SNTG2: variants seen among roughly 807,000 people sequenced by gnomAD.
The protein encoded by SNTG2 is syntrophin gamma 2, also known as gamma-2-syntrophin.
In SNTG2, 74 loss-of-function variants were observed where a neutral mutation model predicts 70.9. The observed-to-expected ratio is 1.04, with a 90% CI of 0.86 to 1.27. The LOEUF (loss-of-function observed/expected upper bound fraction) is 1.27. Ranked by LOEUF, SNTG2 falls within the 50% of genes most tolerant of loss-of-function variation. The pLI is 0.00. For synonymous variants in SNTG2, 278 were observed against 273.8 expected (o/e 1.02, Z -0.15); for missense variants, 717 against 690.7 (o/e 1.04, Z -0.43).
intron 2 of SNTG2, among the ~76,000 whole-genome samples, chr2:1,090,480 G>A (rs986451742): frequency 6.6e-6 from 1 of 152,196 alleles, no homozygotes; most frequent in Non-Finnish European, 1.5e-5. Flanking sequence ...AGAGGTTTAA[G>A]TCAGAGGGAG....
intron 1 of SNTG2, among the ~76,000 whole-genome samples, chr2:1,076,057 C>G (rs1663894766): frequency 6.6e-6 from 1 of 152,188 alleles, no homozygotes; most frequent in Admixed American, 6.5e-5. Context: ...TCCACCTCCT[C>G]CAGGGGCTTA....
chr2:1,046,959 G>A (rs915040557), intron 1 of SNTG2, among the ~76,000 whole-genome samples: 2 of 152,134 alleles, frequency 1.3e-5, no homozygotes, highest in Non-Finnish European at 2.9e-5. Context: ...TATTTTCAAA[G>A]TTGCTTGTTC....
intron 4 of SNTG2, 70 bp downstream of exon 4, chr2:1,098,480 T>G: frequency 6.7e-7 from 1 of 1,486,546 alleles, no homozygotes; most frequent in East Asian, 2.3e-5. Context: ...CTGAAAATGA[T>G]AAAAATCAGC....
chr2:1,096,567 C>T (rs1033344481), intron 2 of SNTG2, among the ~76,000 whole-genome samples: 3 of 152,146 alleles, frequency 2.0e-5, no homozygotes, highest in Non-Finnish European at 2.9e-5. Context: ...TGCAGGAGAC[C>T]GTGTGGTATT....
chr2:1,152,319 G>A (rs1669552060), intron 6 of SNTG2, among the ~76,000 whole-genome samples: 1 of 152,208 alleles, frequency 6.6e-6, no homozygotes, highest in Admixed American at 6.5e-5. Flanking sequence ...AAGAAACAGA[G>A]CGAGTAGGAA....
intron 12 of SNTG2, among the ~76,000 whole-genome samples, chr2:1,257,645 A>G (rs943470770): frequency 6.6e-6 from 1 of 152,220 alleles, no homozygotes; most frequent in African/African-American, 2.4e-5. Context: ...CTAGTATGGA[A>G]AATGCATTCA....
intron 8 of SNTG2, among the ~76,000 whole-genome samples, chr2:1,195,235 A>T (rs1395656784): frequency 2.6e-5 from 4 of 152,176 alleles, no homozygotes; most frequent in Non-Finnish European, 4.4e-5. Context: ...TCCTTTGTGT[A>T]TATACCCAGT....
rs1676775592 is a variant in SNTG2 at position 1,237,888 on chromosome 2, G to C, written c.720G>C (p.Arg240Ser). ...CCTGGACAGCTCTCTCCCTCCCCAG[G>C]TGGAATGCGTTCGAGGTGCTCGCCC... ...SRYKAGTEKL[R>S]WNAFEVLALD... The change falls in exon 10 of 17, where the codon AGG (arginine) becomes AGC (serine). Residue 240 changes from arginine (R) to serine (S), a missense_variant and splice_region_variant. Coordinates refer to ENST00000308624, the MANE Select transcript of SNTG2 (RefSeq NM_018968.4). 2 of 1,599,640 alleles carry C rather than the reference G, an allele frequency of 1.3e-6. No individual in the cohort carries two copies. Among genetic ancestry groups the C allele is most frequent in the Non-Finnish European group, 8.5e-7 (1 of 1,173,588 alleles).
chr2:1,072,508 C>G (rs1027395966), intron 1 of SNTG2, among the ~76,000 whole-genome samples: 44 of 151,660 alleles, frequency 2.9e-4, no homozygotes, highest in African/African-American at 9.7e-4. Context: ...CTGTTGTGAT[C>G]CACTGAGACA....
rs553187231 is a variant in SNTG2, at chr2:1,048,163, TAA to T, written c.73-35354_73-35353del. Among the ~76,000 whole-genome samples the T allele has an allele frequency of 4.5e-4, 69 of 152,344 alleles. 1 individual carries two copies. Among genetic ancestry groups the T allele is most frequent in the African/African-American group, 1.5e-3 (63 of 41,582 alleles). On this transcript the variant is annotated intron_variant, in intron 1 of 16. Coordinates refer to ENST00000308624, the MANE Select transcript of SNTG2 (RefSeq NM_018968.4). Reference sequence around the variant, plus strand: ...CATTCGCATTGTCTCTTTCTATTGATAAGTTTCTACAAAATGCCTACTTTTTG... The same window carrying T: ...CATTCGCATTGTCTCTTTCTATTGATGTTTCTACAAAATGCCTACTTTTTG...
At chr2:1,324,856 T>G (rs1681695978) in intron 16 of SNTG2, among the ~76,000 whole-genome samples, 1 of 152,244 alleles carries the variant, frequency 6.6e-6, no homozygotes, top group Admixed American at 6.5e-5. Flanking sequence ...CTTTAAAGAC[T>G]CTTGAGGCTG....
intron 1 of SNTG2, among the ~76,000 whole-genome samples, chr2:961,689 T>C (rs1420691538): frequency 6.6e-6 from 1 of 152,248 alleles, no homozygotes; most frequent in African/African-American, 2.4e-5. Context: ...TTTCCGCTAT[T>C]CTGAAATGTG....
At chr2:1,141,751 C>T (rs1558448812) in intron 6 of SNTG2, among the ~76,000 whole-genome samples, 1 of 151,334 alleles carries the variant, frequency 6.6e-6, no homozygotes, top group Non-Finnish European at 1.5e-5. Flanking sequence ...CGTGGAGGTT[C>T]CACCAGTAGG....
At chr2:1,073,699 C>CAA (rs1294426886) in intron 1 of SNTG2, among the ~76,000 whole-genome samples, 2 of 152,152 alleles carry the variant, frequency 1.3e-5, no homozygotes, top group Non-Finnish European at 2.9e-5. Flanking sequence ...AACATTATAT[C>CAA]CAATGTTCCC....
At chr2:1,018,229 C>T (rs549781227) in intron 1 of SNTG2, among the ~76,000 whole-genome samples, 9 of 152,244 alleles carry the variant, frequency 5.9e-5, no homozygotes, top group South Asian at 4.1e-4. Flanking sequence ...GTGGCTCTTA[C>T]GTTCTGTTCA....
intron 14 of SNTG2, among the ~76,000 whole-genome samples, chr2:1,307,447 G>A (rs1001799225): frequency 8.6e-5 from 13 of 151,618 alleles, no homozygotes; most frequent in African/African-American, 3.2e-4. Context: ...GTGTGTGTGT[G>A]TGTGTGTGTG....
At chr2:1,271,803 G>A (rs1679033714) in intron 14 of SNTG2, among the ~76,000 whole-genome samples, 1 of 152,158 alleles carries the variant, frequency 6.6e-6, no homozygotes, top group African/African-American at 2.4e-5. Flanking sequence ...TCAGACCAAA[G>A]TACTCGTCTA....
chr2:1,338,254 G>T (rs554584011), intron 16 of SNTG2, among the ~76,000 whole-genome samples: 1 of 152,174 alleles, frequency 6.6e-6, no homozygotes, highest in Non-Finnish European at 1.5e-5. Context: ...AATGGAGAAT[G>T]TATTGAATCT....
chr2:1,091,560 C>T (rs987614872), intron 2 of SNTG2, among the ~76,000 whole-genome samples: 1 of 152,148 alleles, frequency 6.6e-6, no homozygotes, highest in African/African-American at 2.4e-5. Context: ...AGTGCACTGT[C>T]CCCGCATCAG....
Sources: allele counts gnomAD v4.1 joint callset (sites outside exome capture counted in the v4.1 genomes callset), GRCh38; gene constraint gnomAD v4.1.1; transcripts MANE v1.5; gene names NCBI Gene and HGNC (gene_info 2026-07-23, HGNC 2026-07-21).